The following ACACA variants were observed in gnomAD, a reference collection of about 807,000 sequenced individuals.
The protein encoded by ACACA is acetyl-CoA carboxylase alpha, also known as acetyl-CoA carboxylase 1.
In ACACA, 103 loss-of-function variants were observed where a neutral mutation model predicts 296.1. The observed-to-expected ratio is 0.35, with a 90% CI of 0.30 to 0.41. The LOEUF is 0.41. Ranked by LOEUF, ACACA falls within the 10% of genes least tolerant of loss-of-function variation. The pLI, the probability that ACACA is intolerant of heterozygous loss-of-function variation, is 1.00. For missense variants in ACACA, 1,554 were observed against 2,989.7 expected (o/e 0.52, Z 11.20); for synonymous variants, 953 against 1,038.6 (o/e 0.92, Z 1.58).
At chr17:37,224,941 A>T (rs775652268) in intron 27 of ACACA, 51 bp downstream of exon 27, 1 of 795,546 alleles carries the variant, frequency 1.3e-6, no homozygotes, top group South Asian at 2.9e-5. Context: ...TAAAGGAGGT[A>T]AGAGTCCAGA....
chr17:37,104,393 T>G (rs1308904145), intron 52 of ACACA, among the ~76,000 whole-genome samples: 3 of 152,250 alleles, frequency 2.0e-5, no homozygotes, highest in African/African-American at 4.8e-5. Context: ...GTTAAAGTAC[T>G]TTTTATCTCA....
intron 41 of ACACA, among the ~76,000 whole-genome samples, chr17:37,162,432 C>T (rs1030606073): frequency 3.3e-5 from 5 of 152,186 alleles, no homozygotes; most frequent in African/African-American, 1.2e-4. Flanking sequence ...TCTGTCCTCT[C>T]TAAATCTCAT....
At chr17:37,391,704 A>C in intron 1 of ACACA, 2 of 1,613,840 alleles carry the variant, frequency 1.2e-6, no homozygotes, top group East Asian at 4.5e-5. Flanking sequence ...GATCACTGTT[A>C]TCCACCAGAC....
At chr17:37,095,729 A>G (rs1219146336) in intron 54 of ACACA, among the ~76,000 whole-genome samples, 1 of 152,256 alleles carries the variant, frequency 6.6e-6, no homozygotes, top group African/African-American at 2.4e-5. Flanking sequence ...TTCTGATAAA[A>G]TGCATTTTTG....
intron 25 of ACACA, among the ~76,000 whole-genome samples, chr17:37,230,559 A>T (rs1332975979): frequency 1.3e-5 from 2 of 152,226 alleles, no homozygotes; most frequent in Non-Finnish European, 2.9e-5. Flanking sequence ...AATTGGCAAC[A>T]GAAAATTATG....
intron 3 of ACACA, among the ~76,000 whole-genome samples, chr17:37,316,867 G>C (rs1286153168): frequency 2.6e-5 from 4 of 152,142 alleles, no homozygotes; most frequent in African/African-American, 4.8e-5. Context: ...AAGGTCCAGA[G>C]TTCGAGACCA....
chr17:37,131,629 G>A (rs1410358927), intron 45 of ACACA, among the ~76,000 whole-genome samples: 1 of 152,184 alleles, frequency 6.6e-6, no homozygotes, highest in Non-Finnish European at 1.5e-5. Flanking sequence ...GCCCCTTCTT[G>A]TTAGGAGCTT....
chr17:37,326,568 C>T (rs1017775489), intron 3 of ACACA, among the ~76,000 whole-genome samples: 6 of 151,278 alleles, frequency 4.0e-5, no homozygotes, highest in African/African-American at 7.3e-5. Context: ...TGCTGGCTCA[C>T]GCCTGTAATC....
chr17:37,250,151 C>CT (rs1472561338), intron 16 of ACACA, among the ~76,000 whole-genome samples: 1 of 152,128 alleles, frequency 6.6e-6, no homozygotes, highest in African/African-American at 2.4e-5. Flanking sequence ...TGAGAACAGA[C>CT]TAATACACAT....
intron 3 of ACACA, among the ~76,000 whole-genome samples, chr17:37,328,376 G>A (rs1297101124): frequency 6.6e-6 from 1 of 152,034 alleles, no homozygotes; most frequent in Non-Finnish European, 1.5e-5. Context: ...AGACCAGCCT[G>A]GGCAACATAG....
At chr17:37,118,819 G>C (rs984892133) in intron 50 of ACACA, among the ~76,000 whole-genome samples, 1 of 152,192 alleles carries the variant, frequency 6.6e-6, no homozygotes, top group South Asian at 2.1e-4. Context: ...ATGTAAAATT[G>C]TTAGCACAAG....
At chr17:37,185,632 G>T (rs981997377) in intron 39 of ACACA, among the ~76,000 whole-genome samples, 2 of 151,302 alleles carry the variant, frequency 1.3e-5, no homozygotes, top group African/African-American at 4.9e-5. Flanking sequence ...ACAGTGGCAC[G>T]ATCTCAGCTC....
chr17:37,260,389 C>T (rs1486586474), intron 11 of ACACA, among the ~76,000 whole-genome samples: 3 of 144,226 alleles, frequency 2.1e-5, no homozygotes, highest in Non-Finnish European at 4.5e-5. Context: ...CTGTAACCTC[C>T]GCCTCTCGGA....
chr17:37,249,501 C>T (rs2080878074), intron 16 of ACACA, among the ~76,000 whole-genome samples: 2 of 152,140 alleles, frequency 1.3e-5, no homozygotes, highest in African/African-American at 4.8e-5. Flanking sequence ...AATTTCTCTA[C>T]GTACTTGCCA....
At chr17:37,241,928 G>A in intron 23 of ACACA, 25 bp downstream of exon 23, 3 of 1,582,596 alleles carry the variant, frequency 1.9e-6, no homozygotes, top group Non-Finnish European at 2.6e-6. Context: ...GACAGGTCTG[G>A]GAATCTGGAG....
In ACACA at chr17:37,306,425, A is replaced by C. The variant is rs561422826; in HGVS notation, c.339-21455T>G. 1.5e-3 allele frequency among the ~76,000 whole-genome samples: 227 copies of C among 152,164 alleles called. 1 individual carries two copies. The highest frequency in any genetic ancestry group is 5.3e-3 in the African/African-American group (219 of 41,528). ...TAACTTCATACAATGAAGTGGAAAA[A>C]TCTTAAGTATAAAACATATATATGC... is the stretch of plus-strand genomic sequence containing the variant. On this transcript the variant is annotated intron_variant, in intron 3 of 55. Transcript: ENST00000616317.
chr17:37,210,342 G>A, intron 30 of ACACA, 125 bp downstream of exon 30: 1 of 848,654 alleles, frequency 1.2e-6, no homozygotes. Context: ...CCAAAGGGGA[G>A]CTCAGGACTC....
chr17:37,226,109 G>A (rs917208983), intron 26 of ACACA, among the ~76,000 whole-genome samples: 4 of 152,110 alleles, frequency 2.6e-5, no homozygotes, highest in Non-Finnish European at 5.9e-5. Flanking sequence ...ATGATACCAG[G>A]ATTTTTTAAT....
chr17:37,341,689 C>CAAAA (rs11433722), intron 1 of ACACA, among the ~76,000 whole-genome samples: 2 of 85,752 alleles, frequency 2.3e-5, no homozygotes, highest in African/African-American at 9.1e-5. Flanking sequence ...GACTCTGTCT[C>CAAAA]AAAAAAAAAA....
Sources: allele counts gnomAD v4.1 joint callset (sites outside exome capture counted in the v4.1 genomes callset), GRCh38; gene constraint gnomAD v4.1.1; transcripts MANE v1.5; gene names NCBI Gene and HGNC (gene_info 2026-07-23, HGNC 2026-07-21).